The following MCMDC2 variants were observed in gnomAD, a reference collection of about 807,000 sequenced individuals.
MCMDC2 encodes minichromosome maintenance domain containing 2.
MCMDC2 carries 54 observed loss-of-function variants against 75.8 expected under a neutral mutation model. The ratio of observed to expected loss-of-function variants is 0.71; its 90% CI spans 0.57 to 0.89. The LOEUF (loss-of-function observed/expected upper bound fraction) is 0.89, where lower values mean the gene tolerates loss of function less well. MCMDC2 is among the 40% of genes least tolerant of loss of function. The probability of loss-of-function intolerance (pLI) is 0.00; values close to 1 mark genes in which losing one functional copy is unlikely to be tolerated. For synonymous variants in MCMDC2, 249 were observed against 274.6 expected (o/e 0.91, Z 0.92); for missense variants, 656 against 780.4 (o/e 0.84, Z 1.90).
rs201304720 is a variant in MCMDC2, at chr8:66,896,130, A to G, written c.1280-40A>G. ...GCAATTTGTAGACATTTAGACCAAA[A>G]TGAACTTAAATAACAAATGGATAAT... On this transcript the variant is annotated intron_variant, in intron 10 of 14. Transcript: ENST00000422365. 44 of 1,576,414 alleles carry G rather than the reference A, an allele frequency of 2.8e-5. No homozygotes were observed. The East Asian group carries it at 9.5e-4, about 34-fold the overall frequency.
chr8:66,897,940 A>G (rs1016624320), intron 12 of MCMDC2, among the ~76,000 whole-genome samples: 2 of 152,240 alleles, frequency 1.3e-5, no homozygotes, highest in African/African-American at 2.4e-5. Flanking sequence ...CTGAGTCATT[A>G]AAATTTTTTT....
intron 14 of MCMDC2, among the ~76,000 whole-genome samples, chr8:66,915,438 C>T (rs1270069175): frequency 6.7e-6 from 1 of 148,944 alleles, no homozygotes; most frequent in Non-Finnish European, 1.5e-5. Flanking sequence ...GGTGACAAAG[C>T]CAGACTCCGT....
At chr8:66,898,136 A>G (rs974329955) in intron 12 of MCMDC2, among the ~76,000 whole-genome samples, 1 of 152,190 alleles carries the variant, frequency 6.6e-6, no homozygotes, top group African/African-American at 2.4e-5. Context: ...TGTAGGAGTT[A>G]GGGTACTAAA....
At chr8:66,876,923 G>A (rs1427863559) in intron 4 of MCMDC2, among the ~76,000 whole-genome samples, 1 of 151,802 alleles carries the variant, frequency 6.6e-6, no homozygotes, top group Admixed American at 6.6e-5. Flanking sequence ...ATCACACCCG[G>A]CTAATTTTTT....
chr8:66,891,769 G>A (rs1448029838), intron 10 of MCMDC2, among the ~76,000 whole-genome samples: 1 of 152,192 alleles, frequency 6.6e-6, no homozygotes, highest in East Asian at 1.9e-4. Flanking sequence ...AGCGAGGGGT[G>A]TGTGAGTGAG....
chr8:66,881,012 T>G, intron 8 of MCMDC2, 38 bp downstream of exon 8: 1 of 1,363,086 alleles, frequency 7.3e-7, no homozygotes, highest in Non-Finnish European at 9.6e-7. Context: ...AACAAATATT[T>G]AAATTTAAAT....
chr8:66,908,006 C>T (rs918791933), intron 14 of MCMDC2, among the ~76,000 whole-genome samples: 16 of 152,022 alleles, frequency 1.1e-4, no homozygotes, highest in African/African-American at 3.4e-4. Context: ...AAATTTTCTC[C>T]GGTTCTGTAG....
intron 14 of MCMDC2, 36 bp from the exon 15 acceptor site, chr8:66,918,967 A>AT: frequency 7.1e-7 from 1 of 1,400,324 alleles, no homozygotes; most frequent in Non-Finnish European, 9.4e-7. Context: ...TTTAAGGAGT[A>AT]TTTGTCATTT....
At chr8:66,895,353 T>C (rs982673181) in intron 10 of MCMDC2, among the ~76,000 whole-genome samples, 2 of 152,000 alleles carry the variant, frequency 1.3e-5, no homozygotes, top group African/African-American at 4.8e-5. Flanking sequence ...CTGGCCTCTT[T>C]CTTCTTCTTC....
intron 14 of MCMDC2, among the ~76,000 whole-genome samples, chr8:66,918,108 G>T (rs763573168): frequency 5.3e-5 from 8 of 152,110 alleles, no homozygotes; most frequent in Non-Finnish European, 1.0e-4. Context: ...TAGGTGTGAG[G>T]TAGTAGCTCA....
At chr8:66,871,017 C>T (rs1005020620) in intron 1 of MCMDC2, among the ~76,000 whole-genome samples, 186 bp downstream of exon 1, 4 of 152,214 alleles carry the variant, frequency 2.6e-5, no homozygotes, top group South Asian at 2.1e-4. Context: ...GAATCCGCGC[C>T]TGTTCCACGT....
rs1165774441 is a variant in MCMDC2 at position 66,874,314 on chromosome 8, A to T, written c.95-12A>T. 6.2e-7 allele frequency: 1 copy of T among 1,607,022 alleles called. No homozygotes were observed. The highest frequency in any genetic ancestry group is 1.1e-5 in the South Asian group (1 of 88,976). ...TAGCTATCCTGACTTTTACATTTGT[A>T]TATTTTCATAGATTCAAAACAAAGC... On this transcript the variant is annotated splice_polypyrimidine_tract_variant and intron_variant, in intron 2 of 14. Coordinates refer to ENST00000422365, the MANE Select transcript of MCMDC2 (RefSeq NM_173518.5).
Position 66,880,897 on chromosome 8 carries a change from G to T in MCMDC2, c.758G>T (p.Gly253Val). ...MNIGNEYKII[G>V]IPTCVKTSQT... is the part of the protein sequence containing the mutation. ...ATAGGAAATGAATATAAAATTATTG[G>T]AATTCCAACCTGTGTAAAAACCTCA... Residue 253 changes from glycine to valine, a missense_variant, in exon 8 of 15, where the codon GGA becomes GTA. Gly to Val is a moderately radical substitution (Grantham distance 109). Transcript: ENST00000422365. 1 of 1,565,304 alleles carries T rather than the reference G, an allele frequency of 6.4e-7. No individual in the cohort carries two copies. The highest frequency in any genetic ancestry group is 1.2e-5 in the South Asian group (1 of 80,730).
At chr8:66,922,406 A>G (rs1585925666), downstream of MCMDC2, 1 of 475,538 alleles carries the variant, frequency 2.1e-6, no homozygotes, top group Non-Finnish European at 4.2e-6. Flanking sequence ...AAAACAAAGA[A>G]TATTCACCCT....
downstream of MCMDC2, among the ~76,000 whole-genome samples, chr8:66,924,496 G>A (rs1251038873): frequency 1.3e-5 from 2 of 151,798 alleles, no homozygotes; most frequent in African/African-American, 2.4e-5. Flanking sequence ...TTAGCCGGGC[G>A]TGGTGGCAGG....
rs1458391718 is a variant in MCMDC2 at position 66,920,892 on chromosome 8, CAA to C, written c.*1724_*1725del. 2 of 152,098 alleles carry C rather than the reference CAA, an allele frequency of 1.3e-5. No individual in the cohort carries two copies. The highest frequency in any genetic ancestry group is 2.9e-5 in the Non-Finnish European group (2 of 68,034). The allele number at this position is 152,098 out of a possible 1,614,324, so 9.4% of individuals were successfully genotyped here. ...TTTGCCATGTTTCCCAGGCTGGTCT[CAA>C]GTCATCCTCCCATCTCAGTACCTCA... is the stretch of plus-strand genomic sequence containing the variant. On this transcript the variant is annotated 3_prime_UTR_variant, in exon 15 of 15. Transcript: ENST00000422365.
chr8:66,910,808 T>C (rs1813082836), intron 14 of MCMDC2, among the ~76,000 whole-genome samples: 1 of 147,086 alleles, frequency 6.8e-6, no homozygotes, highest in South Asian at 2.1e-4. Context: ...AAACTCCATC[T>C]CAAAAAAAAA....
chr8:66,916,994 A>G (rs1407480567), intron 14 of MCMDC2, among the ~76,000 whole-genome samples: 3 of 152,200 alleles, frequency 2.0e-5, no homozygotes, highest in African/African-American at 4.8e-5. Flanking sequence ...GGTTGACTAT[A>G]GAAGGAGAAG....
At chr8:66,898,882 A>G (rs1405232891) in intron 12 of MCMDC2, among the ~76,000 whole-genome samples, 2 of 152,228 alleles carry the variant, frequency 1.3e-5, no homozygotes, top group East Asian at 3.8e-4. Flanking sequence ...ATTAGTGTAC[A>G]TGGAAAACGA....
Sources: allele counts gnomAD v4.1 joint callset (sites outside exome capture counted in the v4.1 genomes callset), GRCh38; gene constraint gnomAD v4.1.1; transcripts MANE v1.5; gene names NCBI Gene and HGNC (gene_info 2026-07-23, HGNC 2026-07-21).